The following UBE3D variants were observed in gnomAD, a reference collection of about 807,000 sequenced individuals.
The protein encoded by UBE3D is ubiquitin protein ligase E3D.
In UBE3D, 48 loss-of-function variants were observed where a neutral mutation model predicts 49.6. The ratio of observed to expected loss-of-function variants is 0.97; its 90% CI spans 0.77 to 1.23. The LOEUF (loss-of-function observed/expected upper bound fraction) is 1.23, where lower values mean the gene tolerates loss of function less well. UBE3D is among the 50% of genes most tolerant of loss of function. The pLI, the probability that UBE3D is intolerant of heterozygous loss-of-function variation, is 0.00. For missense variants in UBE3D, 452 were observed against 468.4 expected, an observed-to-expected ratio of 0.96 and a Z score of 0.32; for synonymous variants, 189 against 174.2, an observed-to-expected ratio of 1.08 and a Z score of -0.67.
chr6:82,925,767 A>G (rs1484186082), intron 9 of UBE3D, among the ~76,000 whole-genome samples: 2 of 152,158 alleles, frequency 1.3e-5, no homozygotes, highest in Non-Finnish European at 2.9e-5. Flanking sequence ...AATAGGGGGA[A>G]TGATGACAGA....
At chr6:82,979,127 C>T (rs1017115030) in intron 8 of UBE3D, among the ~76,000 whole-genome samples, 1 of 152,118 alleles carries the variant, frequency 6.6e-6, no homozygotes, top group Non-Finnish European at 1.5e-5. Context: ...CAATGGAATA[C>T]TAGAGAGGGT....
In UBE3D at chr6:83,015,760, C is replaced by A. The variant is rs139165785; in HGVS notation, c.1010+3213G>T. On this transcript the variant is annotated intron_variant, in intron 8 of 9. Coordinates refer to ENST00000369747, the MANE Select transcript of UBE3D (RefSeq NM_198920.3). The stretch of plus-strand genomic sequence containing the variant: ...GAAGAATCAACATTATCTTGCCTGG[C>A]AACTGCCTCAGGGGAGGCCATAAGG... 8.0e-3 allele frequency among the ~76,000 whole-genome samples: 1,221 copies of A among 152,230 alleles called. 19 individuals carry two copies. The highest frequency in any genetic ancestry group is 0.028 in the African/African-American group (1,155 of 41,532).
At position 83,054,249 on chromosome 6, in the gene UBE3D, T is replaced by A; in HGVS notation, c.275-11A>T. On this transcript the variant is annotated splice_polypyrimidine_tract_variant and intron_variant, in intron 2 of 9. Transcript: ENST00000369747. ...ACATTGAAATCAGTTCTAAAGGAAG[T>A]CAATGAAATAGCTAATCTTAGAGAT... 1 of 1,599,870 alleles carries A rather than the reference T, an allele frequency of 6.3e-7. No homozygotes were observed. Among genetic ancestry groups the A allele is most frequent in the African/African-American group, 1.3e-5 (1 of 74,712 alleles).
downstream of UBE3D, among the ~76,000 whole-genome samples, chr6:82,889,039 C>T (rs1479263793): frequency 2.0e-5 from 3 of 152,146 alleles, no homozygotes; most frequent in Non-Finnish European, 4.4e-5. Context: ...GAAATGGTTA[C>T]ATTAAATCAT....
At chr6:83,063,264 A>C in intron 1 of UBE3D, 1 of 223,278 alleles carries the variant, frequency 4.5e-6, no homozygotes, top group South Asian at 4.3e-5. Flanking sequence ...AAATACAAAA[A>C]TTAGCTGGGC....
chr6:82,943,044 C>T (rs558747504), intron 9 of UBE3D, among the ~76,000 whole-genome samples: 6 of 152,216 alleles, frequency 3.9e-5, no homozygotes, highest in South Asian at 2.1e-4. Flanking sequence ...CCCAAAGCAT[C>T]GGAGCTCACC....
In UBE3D at chr6:83,019,043, C is replaced by T; in HGVS notation, c.940G>A (p.Ala314Thr). The T allele has an allele frequency of 2.5e-6, 4 of 1,613,890 alleles. No homozygotes were observed. Among genetic ancestry groups the T allele is most frequent in the Non-Finnish European group, 1.7e-6 (2 of 1,179,914 alleles). The change falls in exon 8 of 10, where the codon GCC becomes ACC. Residue 314 changes from alanine to threonine, a missense_variant. Transcript: ENST00000369747. The part of the protein sequence containing the change: ...KFPLLENTFK[A>T]DSSSAWSAVK... ...GCACTCCAGGCAGAACTAGAATCGG[C>T]TTTGAATGTGTTTTCCAACAAGGGG...
chr6:82,918,865 A>G (rs946022432), intron 9 of UBE3D, among the ~76,000 whole-genome samples: 4 of 151,778 alleles, frequency 2.6e-5, no homozygotes, highest in African/African-American at 9.7e-5. Context: ...ACGTAGTTAC[A>G]TTTCTTCCCT....
chr6:82,985,105 C>G (rs915873914), intron 8 of UBE3D, among the ~76,000 whole-genome samples: 1 of 142,286 alleles, frequency 7.0e-6, no homozygotes, highest in Non-Finnish European at 1.5e-5. Context: ...TCCCACCTGG[C>G]CTCCCAAAAT....
intron 8 of UBE3D, among the ~76,000 whole-genome samples, chr6:83,014,352 C>G (rs1780546447): frequency 6.6e-6 from 1 of 152,216 alleles, no homozygotes; most frequent in African/African-American, 2.4e-5. Context: ...AGAGTCAGCT[C>G]TAATGGTTTC....
chr6:82,903,658 T>A (rs187087489), intron 9 of UBE3D, among the ~76,000 whole-genome samples: 2 of 152,288 alleles, frequency 1.3e-5, no homozygotes, highest in Admixed American at 1.3e-4. Context: ...GAAAATATAC[T>A]TAAGACATGC....
intron 8 of UBE3D, among the ~76,000 whole-genome samples, chr6:83,008,493 T>C (rs1207797578): frequency 6.6e-6 from 1 of 152,092 alleles, no homozygotes; most frequent in Non-Finnish European, 1.5e-5. Flanking sequence ...CTGGCTGAAG[T>C]GGGCAGGAGG....
At chr6:83,044,766 C>T (rs879256944) in intron 3 of UBE3D, 107 bp from the exon 4 acceptor site, 14 of 884,676 alleles carry the variant, frequency 1.6e-5, no homozygotes, top group Non-Finnish European at 2.4e-5. Context: ...ACAAGGTTTG[C>T]AATGCTAATT....
chr6:82,956,409 G>C (rs543684575), intron 9 of UBE3D, among the ~76,000 whole-genome samples: 1 of 152,042 alleles, frequency 6.6e-6, no homozygotes, highest in Non-Finnish European at 1.5e-5. Flanking sequence ...CGAGGGAGGC[G>C]GGGGGTCTTC....
At chr6:82,932,210 G>A (rs1027832935) in intron 9 of UBE3D, among the ~76,000 whole-genome samples, 3 of 152,134 alleles carry the variant, frequency 2.0e-5, no homozygotes, top group African/African-American at 7.2e-5. Flanking sequence ...TTTATTAGCA[G>A]CATGAGAACA....
chr6:82,991,608 G>A (rs1050578713), intron 8 of UBE3D, among the ~76,000 whole-genome samples: 1 of 152,104 alleles, frequency 6.6e-6, no homozygotes, highest in Admixed American at 6.6e-5. Context: ...CAGCTTAAGT[G>A]TAAATCCTCC....
chr6:83,015,550 G>C lies in UBE3D; in HGVS notation c.1010+3423C>G, dbSNP rs185897366. On this transcript the variant is annotated intron_variant, in intron 8 of 9. Transcript: ENST00000369747. ...CTTCCACCATTATCCCACACCCTTA[G>C]TATCCATTCCCATGCCTGTTTTCCA... 2.7e-3 allele frequency among the ~76,000 whole-genome samples: 417 copies of C among 152,202 alleles called. 1 individual carries two copies. The highest frequency in any genetic ancestry group is 0.014 in the South Asian group (67 of 4,812).
At chr6:82,936,011 C>T (rs925851466) in intron 9 of UBE3D, among the ~76,000 whole-genome samples, 4 of 150,500 alleles carry the variant, frequency 2.7e-5, no homozygotes, top group African/African-American at 9.8e-5. Flanking sequence ...TTAAGTGGAA[C>T]CAGGAAAAAT....
chr6:82,939,686 G>A (rs1045933887), intron 9 of UBE3D, among the ~76,000 whole-genome samples: 11 of 152,222 alleles, frequency 7.2e-5, no homozygotes, highest in Admixed American at 4.6e-4. Flanking sequence ...GCCCATCTAG[G>A]TTTGTGTCTG....
Sources: gnomAD v4.1 joint callset for allele counts (sites outside exome capture counted in the v4.1 genomes callset) on GRCh38, gnomAD v4.1.1 for gene constraint, MANE v1.5 for transcripts, NCBI Gene and HGNC (gene_info 2026-07-23, HGNC 2026-07-21) for gene names.